The following CTNNA3 variants were observed in gnomAD, a reference collection of about 807,000 sequenced individuals.
The protein encoded by CTNNA3 is catenin alpha 3, also known as catenin alpha-3.
In CTNNA3, 76 loss-of-function variants were observed where a neutral mutation model predicts 95.7. The ratio of observed to expected loss-of-function variants is 0.79; its 90% CI spans 0.66 to 0.96. The LOEUF (loss-of-function observed/expected upper bound fraction) is 0.96, where lower values mean the gene tolerates loss of function less well. Ranked by LOEUF, CTNNA3 falls within the 40% of genes least tolerant of loss-of-function variation. The pLI is 0.00. For missense variants in CTNNA3, 1,191 were observed against 1,089.8 expected (o/e 1.09, Z -1.31); for synonymous variants, 431 against 374.4 (o/e 1.15, Z -1.74).
chr10:67,141,266 G>C (rs536133331), intron 7 of CTNNA3, among the ~76,000 whole-genome samples: 4 of 151,692 alleles, frequency 2.6e-5, no homozygotes, highest in African/African-American at 9.7e-5. Context: ...ATCAACCTAA[G>C]AGGAATGCCA....
intron 1 of CTNNA3, among the ~76,000 whole-genome samples, chr10:67,704,873 A>G (rs1358066199): frequency 6.6e-6 from 1 of 152,090 alleles, no homozygotes; most frequent in East Asian, 1.9e-4. Flanking sequence ...TTCGCAACCT[A>G]CTCATCTGAC....
chr10:66,882,731 T>C (rs985461337), intron 7 of CTNNA3, among the ~76,000 whole-genome samples: 6 of 152,032 alleles, frequency 3.9e-5, no homozygotes, highest in African/African-American at 1.4e-4. Context: ...AATTAGAAGC[T>C]ACAGAACAAA....
intron 7 of CTNNA3, among the ~76,000 whole-genome samples, chr10:66,955,361 T>C (rs974270069): frequency 3.3e-5 from 5 of 152,178 alleles, no homozygotes; most frequent in African/African-American, 7.2e-5. Context: ...CCAAGCCCAG[T>C]AGGCACTATA....
chr10:66,103,490 T>C (rs931491342), intron 13 of CTNNA3, among the ~76,000 whole-genome samples: 3 of 152,118 alleles, frequency 2.0e-5, no homozygotes, highest in African/African-American at 7.2e-5. Flanking sequence ...TGCTTACTGA[T>C]GAATGGATAA....
At chr10:65,956,703 T>G (rs944567537) in intron 17 of CTNNA3, among the ~76,000 whole-genome samples, 1 of 152,170 alleles carries the variant, frequency 6.6e-6, no homozygotes, top group African/African-American at 2.4e-5. Flanking sequence ...TGGTTTTGAG[T>G]GAGTTTCTTA....
At chr10:66,776,311 C>T (rs1840297122) in intron 7 of CTNNA3, among the ~76,000 whole-genome samples, 1 of 152,088 alleles carries the variant, frequency 6.6e-6, no homozygotes, top group Non-Finnish European at 1.5e-5. Flanking sequence ...AGGAAAATTG[C>T]TGCTGTTTAA....
intron 7 of CTNNA3, among the ~76,000 whole-genome samples, chr10:67,025,060 C>T (rs140712060): frequency 0.022 from 3,135 of 144,066 alleles, 89 homozygotes; most frequent in African/African-American, 0.065. Flanking sequence ...AACCCAGGAG[C>T]GGAGGTTGCG....
At chr10:65,924,003 T>C (rs962698045) in intron 17 of CTNNA3, among the ~76,000 whole-genome samples, 3 of 152,136 alleles carry the variant, frequency 2.0e-5, no homozygotes, top group African/African-American at 4.8e-5. Flanking sequence ...CCAATTCAGG[T>C]GGCTACTCAG....
At chr10:66,673,730 T>G (rs1171377826) in intron 9 of CTNNA3, among the ~76,000 whole-genome samples, 1 of 152,058 alleles carries the variant, frequency 6.6e-6, no homozygotes, top group Non-Finnish European at 1.5e-5. Context: ...CCTTATTATA[T>G]TCATCATTTC....
rs11369576 is a variant in CTNNA3, at chr10:67,005,682, CTTTTTTTTTT to C, written c.1047+174625_1047+174634del. 5.0e-4 allele frequency among the ~76,000 whole-genome samples: 31 copies of C among 61,984 alleles called. 5 individuals are homozygous for C. Among genetic ancestry groups the C allele is most frequent in the African/African-American group, 1.6e-3 (29 of 18,568 alleles). The allele number at this position is 61,984 out of a possible 152,430, so 40.7% of individuals were successfully genotyped here. A position where few individuals can be genotyped will look rare whatever the true frequency, so the allele number is the denominator to read the frequency against. On this transcript the variant is annotated intron_variant, in intron 7 of 17. Coordinates refer to ENST00000433211, the MANE Select transcript of CTNNA3 (RefSeq NM_013266.4). ...AATGCTTTTGTTTATTTTACTCCAT[CTTTTTTTTTT>C]TTTTTTTTTTTGAGACGGAGTCTTG... is the stretch of plus-strand genomic sequence containing the variant.
At chr10:67,735,126 A>AGC (rs1310284105) in intron 1 of CTNNA3, among the ~76,000 whole-genome samples, 35 of 132,490 alleles carry the variant, frequency 2.6e-4, no homozygotes, top group African/African-American at 1.1e-3. Flanking sequence ...CCAGCAAGTG[A>AGC]GCACACACAC....
At chr10:66,251,778 A>G (rs1317781081) in intron 13 of CTNNA3, among the ~76,000 whole-genome samples, 2 of 152,208 alleles carry the variant, frequency 1.3e-5, no homozygotes, top group East Asian at 1.9e-4. Flanking sequence ...AAATAATAAG[A>G]TAATAACTAT....
intron 9 of CTNNA3, among the ~76,000 whole-genome samples, chr10:66,745,379 A>G (rs1379538611): frequency 6.6e-6 from 1 of 152,204 alleles, no homozygotes; most frequent in Non-Finnish European, 1.5e-5. Context: ...ATCTGCTGGT[A>G]TTAACTCTAC....
At chr10:67,584,953 G>T (rs960956727) in intron 3 of CTNNA3, among the ~76,000 whole-genome samples, 3 of 152,228 alleles carry the variant, frequency 2.0e-5, no homozygotes, top group Non-Finnish European at 4.4e-5. Flanking sequence ...TGATTTTCCA[G>T]GTACCGTCTG....
chr10:66,274,401 A>T (rs772883189), intron 13 of CTNNA3, among the ~76,000 whole-genome samples: 1 of 152,176 alleles, frequency 6.6e-6, no homozygotes, highest in Non-Finnish European at 1.5e-5. Flanking sequence ...AAAATATGCC[A>T]CCTGCTGATC....
rs549824233 is a variant in CTNNA3, at chr10:66,265,937, T to C, written c.1884+14533A>G. Reference sequence around the variant, plus strand: ...TATCTATCTCCATATGGCTAAGTGTTCGATAGATTTATTGGCCCGTAGTAC... The same window carrying C: ...TATCTATCTCCATATGGCTAAGTGTCCGATAGATTTATTGGCCCGTAGTAC... On this transcript the variant is annotated intron_variant, in intron 13 of 17. Coordinates refer to ENST00000433211, the MANE Select transcript of CTNNA3 (RefSeq NM_013266.4). 3.9e-5 allele frequency among the ~76,000 whole-genome samples: 6 copies of C among 151,968 alleles called. No homozygotes were observed. The South Asian group carries it at 1.0e-3, about 26-fold the overall frequency.
chr10:66,993,287 AT>A, intron 7 of CTNNA3, among the ~76,000 whole-genome samples: 1 of 152,144 alleles, frequency 6.6e-6, no homozygotes, highest in East Asian at 1.9e-4. Context: ...AAAGGCAGAA[AT>A]TGCAGATGTC....
chr10:66,440,170 G>A (rs1316802082), intron 11 of CTNNA3, among the ~76,000 whole-genome samples: 1 of 152,054 alleles, frequency 6.6e-6, no homozygotes, highest in Admixed American at 6.6e-5. Context: ...GATATTTGAA[G>A]GTGAAATTAA....
chr10:66,791,207 C>T (rs749303966), intron 7 of CTNNA3, among the ~76,000 whole-genome samples: 6 of 152,190 alleles, frequency 3.9e-5, no homozygotes, highest in African/African-American at 7.2e-5. Flanking sequence ...AACCCCTTAA[C>T]GGGTTCCCTT....
Sources: gnomAD v4.1 joint callset for allele counts (sites outside exome capture counted in the v4.1 genomes callset) on GRCh38, gnomAD v4.1.1 for gene constraint, MANE v1.5 for transcripts, NCBI Gene and HGNC (gene_info 2026-07-23, HGNC 2026-07-21) for gene names.